Variants in CCDC91 observed in about 807,000 individuals in gnomAD.
CCDC91 encodes coiled-coil domain-containing protein 91.
A neutral mutation model predicts 63.2 loss-of-function variants in CCDC91; 48 were observed. The observed-to-expected ratio is 0.76, with a 90% CI of 0.60 to 0.97. The LOEUF (loss-of-function observed/expected upper bound fraction) is 0.97. Among genes scored for constraint, CCDC91 ranks in the 50% least tolerant of loss-of-function variants. The pLI, the probability that CCDC91 is intolerant of heterozygous loss-of-function variation, is 0.00. For synonymous variants in CCDC91, 167 were observed against 165.8 expected, an observed-to-expected ratio of 1.01 and a Z score of -0.06; for missense variants, 500 against 494.6, an observed-to-expected ratio of 1.01 and a Z score of -0.10.
intron 12 of CCDC91, among the ~76,000 whole-genome samples, chr12:28,487,266 C>G (rs1951774558): frequency 6.6e-6 from 1 of 151,524 alleles, no homozygotes; most frequent in South Asian, 2.1e-4. Flanking sequence ...TTGTATCTTT[C>G]CAAACAGAAA....
intron 6 of CCDC91, among the ~76,000 whole-genome samples, chr12:28,352,142 A>G (rs1943224619): frequency 6.6e-6 from 1 of 152,226 alleles, no homozygotes; most frequent in African/African-American, 2.4e-5. Context: ...CTAAATTAAA[A>G]TGCTTATTGC....
intron 7 of CCDC91, among the ~76,000 whole-genome samples, chr12:28,386,407 C>T (rs144513016): frequency 9.1e-4 from 138 of 152,130 alleles, no homozygotes; most frequent in African/African-American, 3.0e-3. Flanking sequence ...TTGGTCTTGT[C>T]GCCCAGGCTG....
chr12:28,455,120 C>T (rs1280273230), intron 11 of CCDC91, among the ~76,000 whole-genome samples: 3 of 151,008 alleles, frequency 2.0e-5, no homozygotes, highest in Non-Finnish European at 4.4e-5. Flanking sequence ...AAAATACCAG[C>T]TACAAGAAAA....
At chr12:28,305,839 C>G in intron 4 of CCDC91, 33 bp downstream of exon 4, 1 of 1,539,944 alleles carries the variant, frequency 6.5e-7, no homozygotes, top group Non-Finnish European at 8.8e-7. Context: ...AGGAGGTTTG[C>G]ATATTTAAAA....
intron 11 of CCDC91, among the ~76,000 whole-genome samples, chr12:28,460,300 G>A (rs778571983): frequency 1.3e-5 from 2 of 151,990 alleles, no homozygotes; most frequent in Non-Finnish European, 2.9e-5. Flanking sequence ...GTTCGTTTAC[G>A]TTCTCTCATA....
chr12:28,409,507 C>A (rs74387165), intron 8 of CCDC91, among the ~76,000 whole-genome samples: 1,814 of 152,010 alleles, frequency 0.012, 37 homozygotes, highest in African/African-American at 0.042. Flanking sequence ...TTCTCAAATA[C>A]CAGCGTTTGG....
intron 8 of CCDC91, among the ~76,000 whole-genome samples, chr12:28,448,679 T>G (rs1296323587): frequency 1.3e-5 from 2 of 152,124 alleles, no homozygotes; most frequent in African/African-American, 4.8e-5. Context: ...AACATTTGTT[T>G]TCTAAGTTAT....
intron 12 of CCDC91, among the ~76,000 whole-genome samples, chr12:28,523,077 A>G (rs1175797806): frequency 2.0e-5 from 3 of 152,158 alleles, no homozygotes; most frequent in East Asian, 1.9e-4. Context: ...AGTTCTGTAG[A>G]TATCTATTAG....
chr12:28,255,857 A>T (rs1283477423), intron 1 of CCDC91: 1 of 152,066 alleles, frequency 6.6e-6, no homozygotes, highest in Non-Finnish European at 1.5e-5. Context: ...CAATTTTTTG[A>T]ATTTTCTTTT....
intron 8 of CCDC91, among the ~76,000 whole-genome samples, chr12:28,439,113 A>G (rs1026027195): frequency 3.9e-5 from 6 of 152,188 alleles, no homozygotes; most frequent in South Asian, 2.1e-4. Context: ...TAGGAAGAAC[A>G]ACTTATTTGC....
chr12:28,528,558 G>A (rs1941472340), intron 12 of CCDC91, among the ~76,000 whole-genome samples: 1 of 152,156 alleles, frequency 6.6e-6, no homozygotes, highest in Non-Finnish European at 1.5e-5. Context: ...ACGTTTTCTT[G>A]CACTGGTTCT....
chr12:28,408,621 C>T (rs1324704972), intron 8 of CCDC91, among the ~76,000 whole-genome samples: 1 of 151,988 alleles, frequency 6.6e-6, no homozygotes, highest in East Asian at 1.9e-4. Flanking sequence ...ATACTTTGCT[C>T]ACTTTTTGAT....
At chr12:28,247,043 C>T (rs1441377255) in intron 1 of CCDC91, among the ~76,000 whole-genome samples, 1 of 152,200 alleles carries the variant, frequency 6.6e-6, no homozygotes, top group Non-Finnish European at 1.5e-5. Context: ...TATGAGGACA[C>T]TGTGGCCCAG....
chr12:28,407,236 T>C (rs1418566232), intron 8 of CCDC91, among the ~76,000 whole-genome samples: 5 of 152,198 alleles, frequency 3.3e-5, no homozygotes, highest in Non-Finnish European at 7.3e-5. Flanking sequence ...AGCGAGCCCA[T>C]TAAACCACTT....
At chr12:28,241,995 CAA>C (rs1209663723) in intron 1 of CCDC91, among the ~76,000 whole-genome samples, 37 of 41,422 alleles carry the variant, frequency 8.9e-4, no homozygotes, top group African/African-American at 2.5e-3. Flanking sequence ...GACTCCTTCT[CAA>C]AAAAAAAAAA....
intron 7 of CCDC91, among the ~76,000 whole-genome samples, chr12:28,365,986 A>G (rs1944246793): frequency 6.6e-6 from 1 of 152,060 alleles, no homozygotes; most frequent in Non-Finnish European, 1.5e-5. Context: ...GAGGAGTTTG[A>G]AAAAATGCTC....
intron 6 of CCDC91, among the ~76,000 whole-genome samples, chr12:28,334,561 G>A (rs1592340310): frequency 6.6e-6 from 1 of 152,260 alleles, no homozygotes; most frequent in African/African-American, 2.4e-5. Context: ...TCAAAGAAGG[G>A]CAGGTGGCTT....
At chr12:28,362,568 AATGTACACATGT>A in intron 7 of CCDC91, 53 bp downstream of exon 7, 1 of 1,115,770 alleles carries the variant, frequency 9.0e-7, no homozygotes, top group Non-Finnish European at 1.3e-6. Context: ...TTTAGTAAAA[AATGTACACATGT>A]AGGTATGTGC....
chr12:28,476,655 C>G (rs1353150557), intron 11 of CCDC91, among the ~76,000 whole-genome samples: 2 of 151,908 alleles, frequency 1.3e-5, no homozygotes. Flanking sequence ...CACAAAAAAC[C>G]CTTCAAAAAA....
Sources: allele counts gnomAD v4.1 joint callset (sites outside exome capture counted in the v4.1 genomes callset), GRCh38; gene constraint gnomAD v4.1.1; transcripts MANE v1.5; gene names NCBI Gene and HGNC (gene_info 2026-07-23, HGNC 2026-07-21).